Variants in RAPGEF4 observed in about 807,000 individuals in gnomAD.
RAPGEF4 encodes Rap guanine nucleotide exchange factor 4.
A neutral mutation model predicts 147.9 loss-of-function variants in RAPGEF4; 66 were observed. That is an observed-to-expected ratio of 0.45 (90% CI 0.37 to 0.55). The LOEUF is 0.55. RAPGEF4 is among the 20% of genes least tolerant of loss of function. The pLI is 0.00. For synonymous variants in RAPGEF4, 419 were observed against 442.7 expected, an observed-to-expected ratio of 0.95 and a Z score of 0.67; for missense variants, 1,071 against 1,257.3, an observed-to-expected ratio of 0.85 and a Z score of 2.24.
intron 6 of RAPGEF4, among the ~76,000 whole-genome samples, chr2:172,944,362 G>A (rs2676526): frequency 1.7e-3 from 257 of 152,306 alleles, no homozygotes; most frequent in African/African-American, 6.0e-3. Flanking sequence ...GTCCTAAGGG[G>A]CAGAAAGCAG....
In RAPGEF4 at chr2:172,967,303, G is replaced by T. The variant is rs1298298703; in HGVS notation, c.863G>T (p.Arg288Leu). 1.9e-6 allele frequency: 3 copies of T among 1,612,284 alleles called. No individual in the cohort carries two copies. Among genetic ancestry groups the T allele is most frequent in the South Asian group, 2.2e-5 (2 of 90,880 alleles). ...TTCCAAGACAAATATTTATTCTATC[G>T]ATTTCTGGATGATGAGCACGAGGAT... ...HHFQDKYLFY[R>L]FLDDEHEDAP... Residue 288 changes from arginine (R) to leucine (L), a missense_variant, in exon 10 of 31, where the codon CGA becomes CTA. Physicochemically the swap from Arg to Leu is moderately radical, Grantham distance 102. Coordinates refer to ENST00000397081, the MANE Select transcript of RAPGEF4 (RefSeq NM_007023.4).
chr2:172,769,235 A>G (rs189788840), intron 1 of RAPGEF4, among the ~76,000 whole-genome samples: 10 of 150,878 alleles, frequency 6.6e-5, no homozygotes, highest in Admixed American at 1.3e-4. Flanking sequence ...AGGCATACAC[A>G]TTTATTAGTG....
At chr2:172,792,172 C>G (rs551029319) in intron 1 of RAPGEF4, among the ~76,000 whole-genome samples, 1 of 152,236 alleles carries the variant, frequency 6.6e-6, no homozygotes, top group African/African-American at 2.4e-5. Context: ...GTGTGCTTTA[C>G]TGTCTGGGAT....
intron 25 of RAPGEF4, among the ~76,000 whole-genome samples, chr2:173,029,462 TAAG>T (rs1322770942): frequency 6.6e-6 from 1 of 152,220 alleles, no homozygotes; most frequent in Non-Finnish European, 1.5e-5. Flanking sequence ...ACCATTCTAA[TAAG>T]AATTTCTGTT....
chr2:172,797,687 A>G lies in RAPGEF4; in HGVS notation c.297+74A>G, dbSNP rs1025000965. The G allele has an allele frequency of 8.8e-6, 10 of 1,140,654 alleles. No individual in the cohort carries two copies. In the Admixed American group the frequency reaches 1.6e-4, roughly 18 times the overall value. 70.7% of individuals were successfully genotyped at this position (1,140,654 alleles called of 1,614,324 possible). ...TTATTATCCCTATGTCTTTTATGCC[A>G]TTAAAATTACATTTTCAAGTCCATT... is the stretch of plus-strand genomic sequence containing the variant. On this transcript the variant is annotated intron_variant, in intron 3 of 30. Transcript: ENST00000397081.
chr2:173,041,069 A>G (rs1461274648), intron 29 of RAPGEF4, among the ~76,000 whole-genome samples: 1 of 152,204 alleles, frequency 6.6e-6, no homozygotes, highest in Non-Finnish European at 1.5e-5. Flanking sequence ...AATGAGAAGC[A>G]TAGGGCAAAC....
At chr2:172,816,037 C>T (rs1050991118) in intron 4 of RAPGEF4, among the ~76,000 whole-genome samples, 4 of 151,930 alleles carry the variant, frequency 2.6e-5, no homozygotes, top group African/African-American at 4.8e-5. Flanking sequence ...AACATATCAC[C>T]CTAAATATTC....
At chr2:172,864,740 C>CA (rs1179585106) in intron 4 of RAPGEF4, among the ~76,000 whole-genome samples, 1 of 152,162 alleles carries the variant, frequency 6.6e-6, no homozygotes, top group Non-Finnish European at 1.5e-5. Flanking sequence ...CCTGTCTCTA[C>CA]AAAAAATGCC....
chr2:172,798,722 G>T (rs950409760), intron 3 of RAPGEF4, among the ~76,000 whole-genome samples: 3 of 151,956 alleles, frequency 2.0e-5, no homozygotes, highest in Non-Finnish European at 4.4e-5. Flanking sequence ...TTAGGAACTT[G>T]TATGTGTATT....
chr2:172,911,908 A>G (rs1156288433), intron 4 of RAPGEF4, among the ~76,000 whole-genome samples: 4 of 151,840 alleles, frequency 2.6e-5, no homozygotes, highest in Admixed American at 2.6e-4. Flanking sequence ...CCCGGATTAC[A>G]GGTACACGCC....
Position 172,814,432 on chromosome 2 carries a change from CCTAAGGCTT to C in RAPGEF4, c.444+10_444+18del, listed in dbSNP as rs781042040. 6.2e-7 allele frequency: 1 copy of C among 1,613,956 alleles called. No individual in the cohort carries two copies. Among genetic ancestry groups the C allele is most frequent in the South Asian group, 1.1e-5 (1 of 91,074 alleles). On this transcript the variant is annotated splice_region_variant and intron_variant, in intron 4 of 30. Transcript: ENST00000397081. Reference sequence around the variant, plus strand: ...CTTCAAGGCACTATGGGAGGTGAGCCCTAAGGCTTCTTTGTCAATTAATGCAGTTTCAGA... The same window carrying C: ...CTTCAAGGCACTATGGGAGGTGAGCCCTTTGTCAATTAATGCAGTTTCAGA...
In RAPGEF4 at chr2:172,985,387, G is replaced by C. The variant is rs556872764; in HGVS notation, c.1090-46G>C. The C allele has an allele frequency of 7.4e-6, 12 of 1,613,750 alleles. No homozygotes were observed. In the East Asian group the frequency reaches 2.2e-4, roughly 30 times the overall value. ...AAAGAGTACAACCCTTTTCCACCCAGACCTGGAAATGTGGCCTTTGCATGT... is the reference window on the plus strand; with the variant it reads ...AAAGAGTACAACCCTTTTCCACCCACACCTGGAAATGTGGCCTTTGCATGT... On this transcript the variant is annotated intron_variant, in intron 11 of 30. Transcript: ENST00000397081.
chr2:172,836,471 A>G (rs1231779239), intron 4 of RAPGEF4, among the ~76,000 whole-genome samples: 1 of 152,230 alleles, frequency 6.6e-6, no homozygotes, highest in East Asian at 1.9e-4. Flanking sequence ...CATTCTGTCC[A>G]TGTGATTAAA....
At chr2:172,832,233 A>C (rs564295554) in intron 4 of RAPGEF4, among the ~76,000 whole-genome samples, 2 of 152,326 alleles carry the variant, frequency 1.3e-5, no homozygotes, top group African/African-American at 4.8e-5. Context: ...AAACAGATCT[A>C]TGATCGTCTG....
rs771476688 is a variant in RAPGEF4, at chr2:172,967,451, G to A, written c.1004+7G>A. 1 of 1,608,340 alleles carries A rather than the reference G, an allele frequency of 6.2e-7. No individual in the cohort carries two copies. Among genetic ancestry groups the A allele is most frequent in the Non-Finnish European group, 8.5e-7 (1 of 1,177,664 alleles). On this transcript the variant is annotated splice_region_variant and intron_variant, in intron 10 of 30. Transcript: ENST00000397081. ...GGATGATCCTTCGCAAACCGTGAGT[G>A]AGAGCTCGTGGCTCACCCCTCCAGG...
chr2:172,990,623 A>G (rs910124441), intron 14 of RAPGEF4, among the ~76,000 whole-genome samples, 187 bp from the exon 15 acceptor site: 15 of 152,204 alleles, frequency 9.9e-5, no homozygotes, highest in African/African-American at 3.4e-4. Flanking sequence ...CAGTCTTAAA[A>G]ACACATGCTT....
At chr2:172,817,089 G>A (rs1688584029) in intron 4 of RAPGEF4, among the ~76,000 whole-genome samples, 1 of 152,118 alleles carries the variant, frequency 6.6e-6, no homozygotes, top group Admixed American at 6.5e-5. Context: ...TCTGTTTATT[G>A]TCTATTCATT....
chr2:172,961,481 T>C (rs1689289675), intron 8 of RAPGEF4, among the ~76,000 whole-genome samples: 1 of 152,210 alleles, frequency 6.6e-6, no homozygotes, highest in Non-Finnish European at 1.5e-5. Context: ...AGAAAATTTT[T>C]GTAATTTCTT....
At chr2:172,927,346 G>A (rs1363109688) in intron 6 of RAPGEF4, among the ~76,000 whole-genome samples, 1 of 152,030 alleles carries the variant, frequency 6.6e-6, no homozygotes, top group African/African-American at 2.4e-5. Flanking sequence ...CTTTTTTAAG[G>A]TTAGAGAGAA....
Sources: gnomAD v4.1 joint callset for allele counts (sites outside exome capture counted in the v4.1 genomes callset) on GRCh38, gnomAD v4.1.1 for gene constraint, MANE v1.5 for transcripts, NCBI Gene and HGNC (gene_info 2026-07-23, HGNC 2026-07-21) for gene names.